Variants in MMADHC observed in about 807,000 individuals in gnomAD.
MMADHC encodes cobalamin trafficking protein CblD.
MMADHC carries 23 observed loss-of-function variants against 36.3 expected under a neutral mutation model. The observed-to-expected ratio is 0.63, with a 90% confidence interval of 0.46 to 0.90. MMADHC has a LOEUF of 0.90. MMADHC is among the 40% of genes least tolerant of loss of function. The pLI is 0.00. For missense variants in MMADHC, 330 were observed against 348.0 expected, an observed-to-expected ratio of 0.95 and a Z score of 0.41; for synonymous variants, 97 against 116.1, an observed-to-expected ratio of 0.84 and a Z score of 1.06.
At chr2:149,571,971 C>A (rs895414613) in intron 6 of MMADHC, among the ~76,000 whole-genome samples, 5 of 151,966 alleles carry the variant, frequency 3.3e-5, no homozygotes, top group Non-Finnish European at 7.4e-5. Flanking sequence ...AATAATATAA[C>A]CTGGTAAATG....
At chr2:149,579,367 A>G (rs1027780398) in intron 4 of MMADHC, 64 bp downstream of exon 4, 8 of 1,349,014 alleles carry the variant, frequency 5.9e-6, no homozygotes, top group Non-Finnish European at 8.3e-6. Flanking sequence ...TAATATGCTT[A>G]TAATAATCAA....
At chr2:149,584,920 A>G (rs1477353079) in intron 2 of MMADHC, among the ~76,000 whole-genome samples, 1 of 151,960 alleles carries the variant, frequency 6.6e-6, no homozygotes, top group Non-Finnish European at 1.5e-5. Context: ...GCAAGTGCCT[A>G]TAATCCCAGC....
chr2:149,582,559 T>C (rs904474635), intron 2 of MMADHC, among the ~76,000 whole-genome samples: 2 of 152,214 alleles, frequency 1.3e-5, no homozygotes, highest in African/African-American at 4.8e-5. Flanking sequence ...ATCTAAAAGT[T>C]GTCTTATTTA....
chr2:149,575,767 C>T lies in MMADHC; in HGVS notation c.553G>A (p.Asp185Asn). 1 of 1,609,836 alleles carries T rather than the reference C, an allele frequency of 6.2e-7. No individual in the cohort carries two copies. Among genetic ancestry groups the T allele is most frequent in the Admixed American group, 1.7e-5 (1 of 59,854 alleles). The change falls in exon 6 of 8, where the codon GAT (aspartate) becomes AAT (asparagine). Residue 185 changes from aspartate (D) to asparagine (N), a missense_variant. Asp to Asn is a conservative substitution (Grantham distance 23). Transcript: ENST00000303319. ...ACTTCTTCACTCCAAACAGTCATATCATTCTTAGTTTTTTGTGTTACAGTC... is the reference window on the plus strand; with the variant it reads ...ACTTCTTCACTCCAAACAGTCATATTATTCTTAGTTTTTTGTGTTACAGTC... ...ILTVTQKTKNDMTVWSEEVEI... is the reference protein window; with the variant it reads ...ILTVTQKTKNNMTVWSEEVEI...
chr2:149,571,209 A>AGTG (rs1682634079), intron 6 of MMADHC, 38 bp from the exon 7 acceptor site: 4 of 1,206,620 alleles, frequency 3.3e-6, no homozygotes, highest in Non-Finnish European at 4.7e-6. Context: ...TTAAGATAGC[A>AGTG]TTACTAGAGA....
At position 149,580,410 on chromosome 2, in the gene MMADHC, CAT is replaced by C. The variant is rs1305595925; in HGVS notation, c.155-764_155-763del. On this transcript the variant is annotated intron_variant, in intron 3 of 7. Coordinates refer to ENST00000303319, the MANE Select transcript of MMADHC (RefSeq NM_015702.3). ...GACCTAATGCTCTGTTTACCAGCCA[CAT>C]GAGTTAATATGGATTGCAAATATAG... Among the ~76,000 whole-genome samples, 3 of 152,068 alleles carry C rather than the reference CAT, an allele frequency of 2.0e-5. 1 individual carries two copies. In the East Asian group the frequency reaches 5.8e-4, roughly 29 times the overall value.
Position 149,576,515 on chromosome 2 carries a change from T to C in MMADHC, c.400A>G (p.Ile134Val). The change falls in exon 5 of 8, where the codon ATT becomes GTT. Residue 134 changes from isoleucine (I) to valine (V), a missense_variant. Ile to Val is a conservative substitution (Grantham distance 29, BLOSUM62 3). Transcript: ENST00000303319. ...QGNDAPVEQE[I>V]NSAETYFESA... ...TCAAAGTAAGTTTCTGCACTGTTAA[T>C]TTCTTGTTCAACAGGTGCATCATTA... 2 of 1,613,580 alleles carry C rather than the reference T, an allele frequency of 1.2e-6. No homozygotes were observed. Among genetic ancestry groups the C allele is most frequent in the South Asian group, 2.2e-5 (2 of 91,068 alleles).
At chr2:149,586,878 G>GA (rs1330633712) in intron 2 of MMADHC, 3 of 590,732 alleles carry the variant, frequency 5.1e-6, no homozygotes, top group Non-Finnish European at 9.0e-6. Flanking sequence ...CTGTACAAAT[G>GA]AAATTGTATA....
intron 6 of MMADHC, chr2:149,572,261 C>T (rs1454326501): frequency 1.4e-5 from 6 of 419,182 alleles, no homozygotes; most frequent in Admixed American, 1.4e-4. Context: ...ATTGCTTGAA[C>T]CCGGGAGGCA....
At position 149,579,649 on chromosome 2, in the gene MMADHC, C is replaced by A. The variant is rs770045673; in HGVS notation, c.155-1G>T. On this transcript the variant is annotated splice_acceptor_variant, in intron 3 of 7. Transcript: ENST00000303319. LOFTEE classifies it high-confidence loss of function. ...TCATCAGGCCACACTGTTCGAGAGC[C>A]TGAAGAGAAACAACAAAAGGAACAG... 6.2e-7 allele frequency: 1 copy of A among 1,613,266 alleles called. No homozygotes were observed. The highest frequency in any genetic ancestry group is 1.1e-5 in the South Asian group (1 of 90,980).
intron 5 of MMADHC, 115 bp from the exon 6 acceptor site, chr2:149,575,956 T>C (rs938899279): frequency 2.8e-5 from 21 of 752,062 alleles, no homozygotes; most frequent in Admixed American, 5.8e-5. Context: ...AAAATTACTG[T>C]GGTATTAGTT....
chr2:149,573,290 G>A (rs1682670407), intron 6 of MMADHC, among the ~76,000 whole-genome samples: 1 of 152,160 alleles, frequency 6.6e-6, no homozygotes, highest in Non-Finnish European at 1.5e-5. Context: ...GAGATTCACA[G>A]CATCCAATCA....
At chr2:149,582,580 TA>T (rs1242117130) in intron 2 of MMADHC, among the ~76,000 whole-genome samples, 1 of 152,140 alleles carries the variant, frequency 6.6e-6, no homozygotes, top group Non-Finnish European at 1.5e-5. Flanking sequence ...GACACAACAC[TA>T]AAAAGGTAGC....
At chr2:149,571,637 G>A (rs531735995) in intron 6 of MMADHC, among the ~76,000 whole-genome samples, 50 of 152,064 alleles carry the variant, frequency 3.3e-4, no homozygotes, top group South Asian at 8.3e-4. Context: ...AAAATTAGCC[G>A]GGTGTGGTGG....
At chr2:149,586,653 T>C (rs1288937374) in intron 2 of MMADHC, among the ~76,000 whole-genome samples, 3 of 152,196 alleles carry the variant, frequency 2.0e-5, no homozygotes, top group Non-Finnish European at 4.4e-5. Flanking sequence ...AGTCAATAAA[T>C]ATCTCTGGTG....
chr2:149,572,638 G>C lies in MMADHC; in HGVS notation c.610-1467C>G, dbSNP rs935539076. On this transcript the variant is annotated intron_variant, in intron 6 of 7. Coordinates refer to ENST00000303319, the MANE Select transcript of MMADHC (RefSeq NM_015702.3). The stretch of plus-strand genomic sequence containing the variant: ...GAGGAGATAGAAAGCAAGAGTTCTA[G>C]ACAGCTGAGGCACCTGGCAAGGTAC... 5.9e-5 allele frequency among the ~76,000 whole-genome samples: 9 copies of C among 152,198 alleles called. No individual in the cohort carries two copies. The East Asian group carries it at 1.6e-3, about 26-fold the overall frequency.
intron 3 of MMADHC, among the ~76,000 whole-genome samples, chr2:149,581,859 C>G (rs1398354371): frequency 6.6e-6 from 1 of 151,976 alleles, no homozygotes; most frequent in Non-Finnish European, 1.5e-5. Context: ...TTAACAGGAC[C>G]AAAAGGAGAT....
chr2:149,581,533 A>C (rs529066039), intron 3 of MMADHC, among the ~76,000 whole-genome samples: 2 of 152,282 alleles, frequency 1.3e-5, no homozygotes, highest in African/African-American at 4.8e-5. Flanking sequence ...GGAATATGGC[A>C]TGTAGCATTT....
chr2:149,587,322 C>T, intron 1 of MMADHC, 173 bp from the exon 2 acceptor site: 1 of 604,896 alleles, frequency 1.7e-6, no homozygotes, highest in Non-Finnish European at 3.0e-6. Flanking sequence ...CACAGATCCC[C>T]CAGCCCGGAG....
Sources: gnomAD v4.1 joint callset for allele counts (sites outside exome capture counted in the v4.1 genomes callset) on GRCh38, gnomAD v4.1.1 for gene constraint, MANE v1.5 for transcripts, NCBI Gene and HGNC (gene_info 2026-07-23, HGNC 2026-07-21) for gene names.